The following MYO16 variants were observed in gnomAD, a reference collection of about 807,000 sequenced individuals.
The protein encoded by MYO16 is unconventional myosin-XVI.
A neutral mutation model predicts 205.3 loss-of-function variants in MYO16; 94 were observed. That is an observed-to-expected ratio of 0.46 (90% CI 0.39 to 0.54). The LOEUF (loss-of-function observed/expected upper bound fraction) is 0.54, where lower values mean the gene tolerates loss of function less well. MYO16 is among the 20% of genes least tolerant of loss of function. The probability of loss-of-function intolerance (pLI) is 0.00; values close to 1 mark genes in which losing one functional copy is unlikely to be tolerated. For synonymous variants in MYO16, 988 were observed against 954.0 expected (o/e 1.04, Z -0.66); for missense variants, 2,315 against 2,387.5 (o/e 0.97, Z 0.63).
At chr13:109,185,050 G>T (rs147068258) in intron 34 of MYO16, among the ~76,000 whole-genome samples, 9 of 152,254 alleles carry the variant, frequency 5.9e-5, no homozygotes, top group Admixed American at 1.3e-4. Context: ...TATTACAGGA[G>T]TGAGCCACCG....
chr13:109,158,730 A>G (rs751664344), intron 32 of MYO16, among the ~76,000 whole-genome samples: 62 of 97,662 alleles, frequency 6.3e-4, no homozygotes, highest in Admixed American at 1.1e-3. Flanking sequence ...GAGCTTTTTT[A>G]AAAAAATAAT....
At chr13:108,804,834 C>G (rs548516542) in intron 6 of MYO16, among the ~76,000 whole-genome samples, 1 of 152,296 alleles carries the variant, frequency 6.6e-6, no homozygotes, top group African/African-American at 2.4e-5. Flanking sequence ...TGAGCCAGGA[C>G]TTCTAGTCTT....
At chr13:108,901,863 G>A (rs929792988) in intron 15 of MYO16, among the ~76,000 whole-genome samples, 12 of 152,186 alleles carry the variant, frequency 7.9e-5, no homozygotes, top group African/African-American at 1.2e-4. Flanking sequence ...CTACCACCTA[G>A]ATCATAAACG....
chr13:108,913,939 G>T (rs956561852), intron 16 of MYO16, among the ~76,000 whole-genome samples: 2 of 152,136 alleles, frequency 1.3e-5, no homozygotes. Context: ...CCTCACTGCC[G>T]ATTTCTTTAT....
chr13:108,811,877 T>C (rs1232231549), intron 7 of MYO16, among the ~76,000 whole-genome samples: 1 of 152,192 alleles, frequency 6.6e-6, no homozygotes, highest in African/African-American at 2.4e-5. Flanking sequence ...ACAGTAATCA[T>C]TCTACATGCA....
intron 16 of MYO16, among the ~76,000 whole-genome samples, chr13:108,927,191 G>T (rs1280880497): frequency 6.6e-6 from 1 of 152,168 alleles, no homozygotes; most frequent in East Asian, 1.9e-4. Context: ...GAGAAAATGA[G>T]TGTGCCAGCC....
intron 6 of MYO16, among the ~76,000 whole-genome samples, chr13:108,794,358 A>G (rs1315917213): frequency 2.6e-5 from 4 of 152,278 alleles, no homozygotes. Flanking sequence ...CAAAATGCTT[A>G]TGCCACTACC....
At chr13:108,795,646 G>GA (rs1886768869) in intron 6 of MYO16, among the ~76,000 whole-genome samples, 1 of 152,104 alleles carries the variant, frequency 6.6e-6, no homozygotes, top group Non-Finnish European at 1.5e-5. Context: ...AGAGTGTTTT[G>GA]AAAAATAACA....
At chr13:108,773,790 A>T (rs1436482455) in intron 4 of MYO16, among the ~76,000 whole-genome samples, 1 of 151,348 alleles carries the variant, frequency 6.6e-6, no homozygotes, top group South Asian at 2.1e-4. Flanking sequence ...TTGAAATTAT[A>T]TTTTAAAAAG....
intron 19 of MYO16, among the ~76,000 whole-genome samples, chr13:108,963,819 C>G (rs1883682584): frequency 6.6e-6 from 1 of 152,208 alleles, no homozygotes. Context: ...CTACCACCAC[C>G]CTGTGGGTGA....
the MYO16 span, among the ~76,000 whole-genome samples, chr13:108,582,018 A>G: frequency 6.6e-6 from 1 of 152,116 alleles, no homozygotes; most frequent in Non-Finnish European, 1.5e-5. Flanking sequence ...TCATTGCTTC[A>G]TTTGAGAGAC....
At chr13:108,749,341 A>G (rs999141185) in intron 4 of MYO16, among the ~76,000 whole-genome samples, 1 of 152,166 alleles carries the variant, frequency 6.6e-6, no homozygotes, top group African/African-American at 2.4e-5. Context: ...AATAACCACT[A>G]CTTTACTCTC....
chr13:108,790,696 T>TA (rs765508155), intron 5 of MYO16, among the ~76,000 whole-genome samples: 1 of 152,130 alleles, frequency 6.6e-6, no homozygotes, highest in Non-Finnish European at 1.5e-5. Flanking sequence ...ATATATATTT[T>TA]AAAAAAATCT....
At chr13:108,662,448 G>C (rs1881544859) in intron 1 of MYO16, among the ~76,000 whole-genome samples, 1 of 152,134 alleles carries the variant, frequency 6.6e-6, no homozygotes, top group Non-Finnish European at 1.5e-5. Context: ...TCCTTGGTTG[G>C]GTCTTGCTGT....
chr13:108,942,076 G>A (rs1448059588), intron 16 of MYO16, among the ~76,000 whole-genome samples: 1 of 152,166 alleles, frequency 6.6e-6, no homozygotes, highest in Non-Finnish European at 1.5e-5. Flanking sequence ...ATACAATTCT[G>A]CACTTCCAGA....
At chr13:109,059,095 T>A (rs1445938249) in intron 27 of MYO16, among the ~76,000 whole-genome samples, 1 of 152,206 alleles carries the variant, frequency 6.6e-6, no homozygotes, top group Non-Finnish European at 1.5e-5. Flanking sequence ...CATCTGCAGT[T>A]GCTTTCTCCA....
At chr13:108,717,499 G>A (rs1026072066) in intron 3 of MYO16, among the ~76,000 whole-genome samples, 4 of 151,706 alleles carry the variant, frequency 2.6e-5, no homozygotes, top group Admixed American at 1.3e-4. Flanking sequence ...GCGTGGTGGT[G>A]GGCGCCTGTA....
intron 11 of MYO16, among the ~76,000 whole-genome samples, chr13:108,859,005 C>T (rs2139109341): frequency 6.6e-6 from 1 of 152,252 alleles, no homozygotes; most frequent in South Asian, 2.1e-4. Context: ...GTCTTCATAT[C>T]AATGTCATTG....
intron 27 of MYO16, 88 bp from the exon 28 acceptor site, chr13:109,100,696 GA>G: frequency 9.7e-7 from 1 of 1,028,438 alleles, no homozygotes; most frequent in South Asian, 1.6e-5. Flanking sequence ...AAACTTTTGG[GA>G]AACGATGTAA....
Sources: gnomAD v4.1 joint callset for allele counts (sites outside exome capture counted in the v4.1 genomes callset) on GRCh38, gnomAD v4.1.1 for gene constraint, MANE v1.5 for transcripts, NCBI Gene and HGNC (gene_info 2026-07-23, HGNC 2026-07-21) for gene names.